STX7: variants seen among roughly 807,000 people sequenced by gnomAD.
STX7 encodes syntaxin 7, also known as syntaxin-7.
STX7 carries 34 observed loss-of-function variants against 39.6 expected under a neutral mutation model. That is an observed-to-expected ratio of 0.86 (90% confidence interval 0.65 to 1.14). STX7 has a LOEUF of 1.14. Among genes scored for constraint, STX7 ranks in the 50% most tolerant of loss-of-function variants. The pLI, the probability that STX7 is intolerant of heterozygous loss-of-function variation, is 0.00. For synonymous variants in STX7, 119 were observed against 99.1 expected, an observed-to-expected ratio of 1.20 and a Z score of -1.19; for missense variants, 284 against 310.4, an observed-to-expected ratio of 0.92 and a Z score of 0.64.
chr6:132,461,556 C>G (rs1774399542), intron 9 of STX7, among the ~76,000 whole-genome samples: 1 of 152,040 alleles, frequency 6.6e-6, no homozygotes, highest in African/African-American at 2.4e-5. Flanking sequence ...ATGATCTGCC[C>G]ACTTCGGCCT....
intron 2 of STX7, among the ~76,000 whole-genome samples, chr6:132,491,055 G>A (rs1775270483): frequency 6.7e-6 from 1 of 149,414 alleles, no homozygotes; most frequent in South Asian, 2.1e-4. Flanking sequence ...GCAGAGAAAT[G>A]GGCACTTCCC....
rs1446691572 is a variant in STX7, at chr6:132,452,259, TA to T, written c.*8498del. ...TTAACTTTAGCAAGAGCATCTACTT[TA>T]AAAACCTACAGCTAACATTATACTT... On this transcript the variant is annotated 3_prime_UTR_variant, in exon 10 of 10. Transcript: ENST00000367941. 6.6e-6 allele frequency: 1 copy of T among 152,130 alleles called. No homozygotes were observed. The highest frequency in any genetic ancestry group is 2.4e-5 in the African/African-American group (1 of 41,434). The allele number at this position is 152,130 out of a possible 1,614,324, so 9.4% of individuals were successfully genotyped here.
At chr6:132,507,649 A>G (rs918789147) in intron 1 of STX7, among the ~76,000 whole-genome samples, 1 of 128,434 alleles carries the variant, frequency 7.8e-6, no homozygotes, top group Admixed American at 7.4e-5. Context: ...TCATTCCTTC[A>G]TTATTGCCAA....
intron 1 of STX7, among the ~76,000 whole-genome samples, chr6:132,510,822 C>T (rs992526717): frequency 3.9e-5 from 6 of 152,162 alleles, no homozygotes; most frequent in Non-Finnish European, 1.5e-5. Flanking sequence ...CTTCTCAAGA[C>T]GGCTTCTAAA....
At chr6:132,473,520 G>GTTT (rs398066285) in intron 3 of STX7, among the ~76,000 whole-genome samples, 1 of 136,292 alleles carries the variant, frequency 7.3e-6, no homozygotes, top group Non-Finnish European at 1.6e-5. Context: ...TTATTGTGTT[G>GTTT]TTTTTTTTTT....
Position 132,464,095 on chromosome 6 carries a change from C to T in STX7, c.611-20G>A. Reference sequence around the variant, plus strand: ...TGCTATCTGTAAAATAAAACACACACACACAAATGTGTTAAACATGGATTG... The same window carrying T: ...TGCTATCTGTAAAATAAAACACACATACACAAATGTGTTAAACATGGATTG... On this transcript the variant is annotated intron_variant, in intron 8 of 9. Transcript: ENST00000367941. 1.2e-6 allele frequency: 2 copies of T among 1,601,146 alleles called. No individual in the cohort carries two copies. The highest frequency in any genetic ancestry group is 1.7e-6 in the Non-Finnish European group (2 of 1,168,664).
intron 9 of STX7, chr6:132,461,627 G>A: frequency 1.8e-6 from 1 of 544,980 alleles, no homozygotes; most frequent in Non-Finnish European, 3.2e-6. Context: ...CATATTTCTT[G>A]TTTCCAAAAT....
intron 7 of STX7, 99 bp downstream of exon 7, chr6:132,469,851 AT>A (rs1774667878): frequency 4.0e-6 from 4 of 1,003,866 alleles, no homozygotes; most frequent in Admixed American, 3.3e-5. Context: ...AGAAAACAAA[AT>A]TTTTCTGTCT....
chr6:132,470,995 A>T (rs1774703772), intron 5 of STX7, among the ~76,000 whole-genome samples: 1 of 152,186 alleles, frequency 6.6e-6, no homozygotes, highest in Admixed American at 6.5e-5. Context: ...AATTAGATTA[A>T]TTCAAAATTC....
chr6:132,481,468 T>C (rs761854537), intron 2 of STX7, among the ~76,000 whole-genome samples: 16 of 152,228 alleles, frequency 1.1e-4, no homozygotes, highest in Non-Finnish European at 1.6e-4. Flanking sequence ...AATCAAAAGC[T>C]ACATTTACTC....
intron 1 of STX7, among the ~76,000 whole-genome samples, chr6:132,504,271 C>T (rs1010929339): frequency 3.3e-5 from 5 of 152,128 alleles, no homozygotes; most frequent in Admixed American, 6.5e-5. Flanking sequence ...CCAACTACTG[C>T]GAAGCAAATG....
intron 3 of STX7, chr6:132,475,344 G>A: frequency 4.0e-6 from 1 of 247,004 alleles, no homozygotes; most frequent in Non-Finnish European, 7.7e-6. Context: ...GGTTGGTCTC[G>A]AACTCCTGAA....
rs1774109862 is a variant in STX7 at position 132,450,210 on chromosome 6, C to T, written c.*10548G>A. 6.6e-6 allele frequency: 1 copy of T among 152,134 alleles called. No individual in the cohort carries two copies. The highest frequency in any genetic ancestry group is 2.4e-5 in the African/African-American group (1 of 41,414). The allele number at this position is 152,134 out of a possible 1,614,324, so 9.4% of individuals were successfully genotyped here. A position where few individuals can be genotyped will look rare whatever the true frequency, so the allele number is the denominator to read the frequency against. On this transcript the variant is annotated 3_prime_UTR_variant, in exon 10 of 10. Coordinates refer to ENST00000367941, the MANE Select transcript of STX7 (RefSeq NM_003569.3). ...ATGTGTGTTGTATTTTATCCAAGAA[C>T]TAACTGTATTTTAGCAGGAGGATCC...
rs1774050604 is a variant in STX7 at position 132,447,823 on chromosome 6, T to G, written c.*12935A>C. On this transcript the variant is annotated 3_prime_UTR_variant, in exon 10 of 10. Transcript: ENST00000367941. ...GTATATATTGAACAAGGTAGACTTT[T>G]TTTTTTATTAATCTGGTGAGATAGG... 6.6e-6 allele frequency: 1 copy of G among 152,128 alleles called. No homozygotes were observed. 9.4% of individuals were successfully genotyped at this position (152,128 alleles called of 1,614,324 possible). A position where few individuals can be genotyped will look rare whatever the true frequency, so the allele number is the denominator to read the frequency against.
rs150661329 is a variant in STX7 at position 132,460,770 on chromosome 6, T to G, written c.774A>C (p.Gly258=). Residue 258 remains glycine, a synonymous_variant, in exon 10 of 10, where the codon GGA becomes GGC. Transcript: ENST00000367941. ...CTCCTTTATAACTTCAGTGGTTCAA[T>G]CCCCATATGATGAGACTGATAATCG... The part of the protein sequence containing the change: ...GVAIISLIIW[G]LNH 2.2e-3 allele frequency: 3,528 copies of G among 1,612,642 alleles called. 7 individuals carry two copies. The highest frequency in any genetic ancestry group is 2.7e-3 in the Non-Finnish European group (3,152 of 1,178,998).
At chr6:132,487,891 C>T (rs1401672486) in intron 2 of STX7, among the ~76,000 whole-genome samples, 1 of 151,410 alleles carries the variant, frequency 6.6e-6, no homozygotes, top group Non-Finnish European at 1.5e-5. Context: ...GATTTTTTTT[C>T]TCCCTTCGAT....
intron 2 of STX7, among the ~76,000 whole-genome samples, chr6:132,500,531 TCC>T (rs1162977373): frequency 6.6e-6 from 1 of 152,162 alleles, no homozygotes; most frequent in African/African-American, 2.4e-5. Flanking sequence ...AAAGGTAGCT[TCC>T]CCAGTCACTT....
chr6:132,462,125 C>T (rs1182808009), intron 9 of STX7, among the ~76,000 whole-genome samples: 1 of 152,218 alleles, frequency 6.6e-6, no homozygotes, highest in African/African-American at 2.4e-5. Flanking sequence ...TGAGTCATCA[C>T]GGGTATCCCA....
At chr6:132,490,751 T>C (rs1288979185) in intron 2 of STX7, among the ~76,000 whole-genome samples, 2 of 151,904 alleles carry the variant, frequency 1.3e-5, no homozygotes, top group East Asian at 1.9e-4. Context: ...GGGACTCTGC[T>C]GGAGAAGGTG....
Sources: allele counts gnomAD v4.1 joint callset (sites outside exome capture counted in the v4.1 genomes callset), GRCh38; gene constraint gnomAD v4.1.1; transcripts MANE v1.5; gene names NCBI Gene and HGNC (gene_info 2026-07-23, HGNC 2026-07-21).